The following SGPP2 variants were observed in gnomAD, a reference collection of about 807,000 sequenced individuals.
SGPP2 encodes the protein sphingosine 1-phosphate phosphohydrolase 2.
SGPP2 carries 30 observed loss-of-function variants against 33.9 expected under a neutral mutation model. The ratio of observed to expected loss-of-function variants is 0.89; its 90% confidence interval spans 0.66 to 1.20. The LOEUF is 1.20. SGPP2 is among the 50% of genes most tolerant of loss of function. The pLI, the probability that SGPP2 is intolerant of heterozygous loss-of-function variation, is 0.00. For synonymous variants in SGPP2, 233 were observed against 225.0 expected (o/e 1.04, Z -0.32); for missense variants, 458 against 532.1 (o/e 0.86, Z 1.37).
chr2:222,502,088 T>C (rs2106118712), intron 2 of SGPP2, among the ~76,000 whole-genome samples: 1 of 152,320 alleles, frequency 6.6e-6, no homozygotes, highest in East Asian at 1.9e-4. Flanking sequence ...AGAATACAAG[T>C]GATAGAACTG....
At chr2:222,470,786 T>C (rs1574847395) in intron 1 of SGPP2, among the ~76,000 whole-genome samples, 2 of 152,222 alleles carry the variant, frequency 1.3e-5, no homozygotes, top group East Asian at 3.8e-4. Context: ...GTGTATCTGG[T>C]AGCTGATGGG....
At chr2:222,506,081 T>C (rs576546450) in intron 2 of SGPP2, among the ~76,000 whole-genome samples, 118 of 152,348 alleles carry the variant, frequency 7.7e-4, no homozygotes, top group African/African-American at 2.8e-3. Context: ...AAATTAATTG[T>C]ACTGCATGCT....
At chr2:222,489,203 A>T (rs969665805) in intron 2 of SGPP2, among the ~76,000 whole-genome samples, 1 of 152,230 alleles carries the variant, frequency 6.6e-6, no homozygotes, top group African/African-American at 2.4e-5. Context: ...CACTACTGCC[A>T]GCAGGATGAA....
intron 1 of SGPP2, among the ~76,000 whole-genome samples, chr2:222,441,194 A>G (rs1254459339): frequency 1.3e-5 from 2 of 152,206 alleles, no homozygotes; most frequent in Admixed American, 1.3e-4. Flanking sequence ...AGGCTGACTC[A>G]TGGTTCAGTG....
intron 4 of SGPP2, among the ~76,000 whole-genome samples, chr2:222,533,827 C>G (rs1698874249): frequency 6.6e-6 from 1 of 151,126 alleles, no homozygotes; most frequent in African/African-American, 2.4e-5. Context: ...TAAAGGACTT[C>G]AGGGAGGAGA....
intron 1 of SGPP2, among the ~76,000 whole-genome samples, chr2:222,468,961 T>G (rs1190679942): frequency 6.6e-6 from 1 of 152,172 alleles, no homozygotes; most frequent in Non-Finnish European, 1.5e-5. Flanking sequence ...AATATGGGGT[T>G]GGGAGCCTGA....
intron 4 of SGPP2, among the ~76,000 whole-genome samples, chr2:222,528,024 T>A (rs763009934): frequency 6.6e-5 from 10 of 152,206 alleles, no homozygotes; most frequent in Non-Finnish European, 1.3e-4. Flanking sequence ...ATGATATAGT[T>A]AGGATGGAAT....
chr2:222,488,541 T>A (rs1408643904), intron 2 of SGPP2, among the ~76,000 whole-genome samples: 1 of 152,194 alleles, frequency 6.6e-6, no homozygotes, highest in African/African-American at 2.4e-5. Context: ...TCCATAAAAC[T>A]GATCCCAGTG....
At chr2:222,541,063 C>T (rs561015299) in intron 4 of SGPP2, among the ~76,000 whole-genome samples, 1 of 152,258 alleles carries the variant, frequency 6.6e-6, no homozygotes, top group East Asian at 1.9e-4. Context: ...GTGATCCACC[C>T]GCCTCAGCCT....
At chr2:222,496,893 T>C (rs1698289495) in intron 2 of SGPP2, among the ~76,000 whole-genome samples, 1 of 152,178 alleles carries the variant, frequency 6.6e-6, no homozygotes. Context: ...AATAAATAAA[T>C]ATTGGGTAAC....
At chr2:222,540,946 T>TCCCAGTCCCTC (rs1462090348) in intron 4 of SGPP2, among the ~76,000 whole-genome samples, 1 of 150,820 alleles carries the variant, frequency 6.6e-6, no homozygotes, top group Non-Finnish European at 1.5e-5. Flanking sequence ...GCCTCCCAAG[T>TCCCAGTCCCTC]AGCTGGGACT....
rs1470336955 is a variant in SGPP2, at chr2:222,460,954, TG to T, written c.220-13612del. The stretch of plus-strand genomic sequence containing the variant: ...CTCTGTTGCCCAGGCTGAAGTGCAG[TG>T]GCATGATAATAGCTCACTGCAGCCT... On this transcript the variant is annotated intron_variant, in intron 1 of 4. Transcript: ENST00000321276. This position sits in a 1 kb window ranked among gnomAD's most constrained non-coding sequence, Gnocchi z 4.3. Among the ~76,000 whole-genome samples, 1 of 152,136 alleles carries T rather than the reference TG, an allele frequency of 6.6e-6. No individual in the cohort carries two copies. The highest frequency in any genetic ancestry group is 1.5e-5 in the Non-Finnish European group (1 of 68,032).
chr2:222,536,965 T>A (rs1698925246), intron 4 of SGPP2, among the ~76,000 whole-genome samples: 1 of 150,984 alleles, frequency 6.6e-6, no homozygotes, highest in Admixed American at 6.6e-5. Context: ...AAGAAAAATG[T>A]CAACCTAGTT....
chr2:222,485,198 C>G (rs1004913324), intron 2 of SGPP2, among the ~76,000 whole-genome samples: 2 of 152,238 alleles, frequency 1.3e-5, no homozygotes, highest in Non-Finnish European at 2.9e-5. Context: ...TACTCTTCTC[C>G]CCAGTCCAAT....
At chr2:222,475,966 A>G (rs1697927003) in intron 2 of SGPP2, among the ~76,000 whole-genome samples, 1 of 151,978 alleles carries the variant, frequency 6.6e-6, no homozygotes, top group Non-Finnish European at 1.5e-5. Flanking sequence ...CATGTGGAGG[A>G]CTCTGCAGGT....
At chr2:222,450,864 A>G (rs1283609606) in intron 1 of SGPP2, among the ~76,000 whole-genome samples, 1 of 152,192 alleles carries the variant, frequency 6.6e-6, no homozygotes, top group Non-Finnish European at 1.5e-5. Flanking sequence ...AACTCTGATG[A>G]AAGCATTTCT....
At chr2:222,556,039 G>A (rs1022186983) in intron 4 of SGPP2, among the ~76,000 whole-genome samples, 2 of 152,144 alleles carry the variant, frequency 1.3e-5, no homozygotes, top group African/African-American at 2.4e-5. Context: ...ATCCCCAAGG[G>A]GAAATATGGG....
intron 2 of SGPP2, among the ~76,000 whole-genome samples, chr2:222,487,545 T>G (rs551644225): frequency 6.6e-6 from 1 of 152,326 alleles, no homozygotes; most frequent in African/African-American, 2.4e-5. Flanking sequence ...TCATATGCCA[T>G]GGCTTCAACC....
Position 222,558,774 on chromosome 2 carries a change from G to A in SGPP2, c.1076G>A (p.Arg359Lys). The change falls in exon 5 of 5, where the codon AGG becomes AAG. Residue 359 changes from arginine (R) to lysine (K), a missense_variant. By Grantham distance (26) the Arg-to-Lys change is conservative. Coordinates refer to ENST00000321276, the MANE Select transcript of SGPP2 (RefSeq NM_152386.4). ...VLYSWFKVVT[R>K]NKEARRRLEI... ...TACTCATGGTTCAAGGTGGTCACCAGGAACAAGGAGGCCAGGCGGAGACTG... is the reference window on the plus strand; with the variant it reads ...TACTCATGGTTCAAGGTGGTCACCAAGAACAAGGAGGCCAGGCGGAGACTG... 1 of 1,614,166 alleles carries A rather than the reference G, an allele frequency of 6.2e-7. No individual in the cohort carries two copies. Among genetic ancestry groups the A allele is most frequent in the Non-Finnish European group, 8.5e-7 (1 of 1,180,032 alleles).
Sources: allele counts gnomAD v4.1 joint callset (sites outside exome capture counted in the v4.1 genomes callset), GRCh38; gene constraint gnomAD v4.1.1; non-coding constraint Gnocchi (gnomAD v3.1); transcripts MANE v1.5; gene names NCBI Gene and HGNC (gene_info 2026-07-23, HGNC 2026-07-21).